The following KMT2E variants were observed in gnomAD, a reference collection of about 807,000 sequenced individuals.
The protein encoded by KMT2E is lysine methyltransferase 2E (inactive), also known as histone reader KMT2E.
Under a neutral mutation model 184.6 loss-of-function variants are expected in KMT2E, and 30 were observed. The ratio of observed to expected loss-of-function variants is 0.16; its 90% CI spans 0.12 to 0.22. The LOEUF (loss-of-function observed/expected upper bound fraction) is 0.22. Among genes scored for constraint, KMT2E ranks in the 10% least tolerant of loss-of-function variants. The pLI is 1.00. For synonymous variants in KMT2E, 815 were observed against 776.5 expected (o/e 1.05, Z -0.82); for missense variants, 2,023 against 2,237.4 (o/e 0.90, Z 1.93).
At chr7:105,105,241 T>A (rs1451140679) in intron 17 of KMT2E, 198 bp from the exon 18 acceptor site, 1 of 423,530 alleles carries the variant, frequency 2.4e-6, no homozygotes, top group African/African-American at 2.1e-5. Context: ...ACAAAATAAT[T>A]GGGTAAAAAG....
At position 105,110,767 on chromosome 7, in the gene KMT2E, A is replaced by G. The variant is rs367589987; in HGVS notation, c.3971-4A>G. The G allele has an allele frequency of 1.3e-4, 207 of 1,611,766 alleles. No homozygotes were observed. Among genetic ancestry groups the G allele is most frequent in the Non-Finnish European group, 1.7e-4 (202 of 1,177,944 alleles). The stretch of plus-strand genomic sequence containing the variant: ...ACTTACTATAGGTTTCTTCTGCTTT[A>G]TAGACCCTGATCCTGAAAATCCAGA... On this transcript the variant is annotated splice_region_variant and splice_polypyrimidine_tract_variant and intron_variant, in intron 25 of 26. Transcript: ENST00000311117.
intron 23 of KMT2E, among the ~76,000 whole-genome samples, chr7:105,109,843 CTT>C (rs34727137): frequency 6.1e-4 from 83 of 136,210 alleles, no homozygotes; most frequent in Middle Eastern, 7.5e-3. Context: ...ATAAGATTAA[CTT>C]TTTTTTTTTT....
intron 6 of KMT2E, among the ~76,000 whole-genome samples, chr7:105,070,406 G>A (rs1053587951): frequency 4.2e-4 from 64 of 151,802 alleles, no homozygotes; most frequent in African/African-American, 1.5e-3. Context: ...TGAGGCGGGT[G>A]GATCACTTGA....
chr7:105,074,970 T>TTAA (rs2074273321), intron 8 of KMT2E, among the ~76,000 whole-genome samples, 155 bp downstream of exon 8: 1 of 152,216 alleles, frequency 6.6e-6, no homozygotes, highest in Non-Finnish European at 1.5e-5. Flanking sequence ...CTTGAACATT[T>TTAA]TAACGTGTTT....
At chr7:105,027,404 C>T (rs1202682389) in intron 1 of KMT2E, among the ~76,000 whole-genome samples, 3 of 152,180 alleles carry the variant, frequency 2.0e-5, no homozygotes, top group South Asian at 2.1e-4. Flanking sequence ...AGGTACTGGT[C>T]CCTTATAGGA....
At chr7:105,105,815 C>G (rs1562930567) in intron 18 of KMT2E, 44 bp from the exon 19 acceptor site, 1 of 1,590,934 alleles carries the variant, frequency 6.3e-7, no homozygotes, top group Admixed American at 1.8e-5. Flanking sequence ...ATATAAACAG[C>G]TACAAAGTGA....
intron 17 of KMT2E, chr7:105,105,148 C>G (rs892197383): frequency 5.0e-5 from 11 of 222,218 alleles, no homozygotes; most frequent in Admixed American, 2.3e-4. Flanking sequence ...AGCCTGATGA[C>G]AGAGATATCT....
In KMT2E at chr7:105,059,978, G is replaced by GTTTTTTTTTTTTTTTTTTT. The variant is rs67291226; in HGVS notation, c.72-2171_72-2153dup. Among the ~76,000 whole-genome samples, 26 of 51,796 alleles carry GTTTTTTTTTTTTTTTTTTT rather than the reference G, an allele frequency of 5.0e-4. 7 individuals are homozygous for GTTTTTTTTTTTTTTTTTTT. Among genetic ancestry groups the GTTTTTTTTTTTTTTTTTTT allele is most frequent in the Non-Finnish European group, 7.2e-4 (18 of 24,950 alleles). The allele number at this position is 51,796 out of a possible 152,430, so 34.0% of individuals were successfully genotyped here. A position where few individuals can be genotyped will look rare whatever the true frequency, so the allele number is the denominator to read the frequency against. On this transcript the variant is annotated intron_variant, in intron 3 of 26. Transcript: ENST00000311117. Reference sequence around the variant, plus strand: ...GCTGAATATTGATTTTCTTGTTGTTGTTTTTTTTTTTTTTTTTTTTTTTTT... The same window carrying GTTTTTTTTTTTTTTTTTTT: ...GCTGAATATTGATTTTCTTGTTGTTGTTTTTTTTTTTTTTTTTTTTTTTTTTTTTTTTTTTTTTTTTTTT...
At position 105,110,789 on chromosome 7, in the gene KMT2E, C is replaced by G. The variant is rs1799202301; in HGVS notation, c.3989C>G (p.Pro1330Arg). The G allele has an allele frequency of 6.8e-6, 11 of 1,613,962 alleles. No homozygotes were observed. Among genetic ancestry groups the G allele is most frequent in the Non-Finnish European group, 8.5e-6 (10 of 1,179,866 alleles). Reference protein sequence around the residue: ...ELMEDPDPENPEPTTTNECPS... With the variant: ...ELMEDPDPENREPTTTNECPS... ...TTTATAGACCCTGATCCTGAAAATCCAGAACCCACAACTACGAATGAATGT... is the reference window on the plus strand; with the variant it reads ...TTTATAGACCCTGATCCTGAAAATCGAGAACCCACAACTACGAATGAATGT... Residue 1330 changes from proline to arginine, a missense_variant, in exon 26 of 27, where the codon CCA becomes CGA. This residue lies in a region of KMT2E where 1,108 missense variants were observed against 1,050.9 expected (regional missense o/e 1.05). Coordinates refer to ENST00000311117, the MANE Select transcript of KMT2E (RefSeq NM_182931.3).
chr7:105,059,975 G>GTTCTTTTTTT (rs1562898146), intron 3 of KMT2E, among the ~76,000 whole-genome samples: 1 of 45,616 alleles, frequency 2.2e-5, no homozygotes, highest in African/African-American at 6.1e-5. Flanking sequence ...TTTTCTTGTT[G>GTTCTTTTTTT]TTGTTTTTTT....
chr7:105,029,324 A>G (rs1337596949), intron 1 of KMT2E, among the ~76,000 whole-genome samples: 1 of 152,216 alleles, frequency 6.6e-6, no homozygotes, highest in Non-Finnish European at 1.5e-5. Context: ...AATTTTGTTC[A>G]TTGCCCATTC....
intron 9 of KMT2E, 144 bp from the exon 10 acceptor site, chr7:105,076,819 A>C: frequency 1.5e-6 from 1 of 647,508 alleles, no homozygotes; most frequent in Admixed American, 2.7e-5. Context: ...AGAAACCGTT[A>C]AACAGCAGTT....
chr7:105,018,764 G>T (rs1217408402), intron 1 of KMT2E, among the ~76,000 whole-genome samples: 5 of 152,066 alleles, frequency 3.3e-5, no homozygotes, highest in Non-Finnish European at 1.5e-5. Flanking sequence ...GTAATGTGCA[G>T]ATGTTGGGAG....
chr7:105,103,098 G>GT (rs1243449515), intron 17 of KMT2E: 6 of 152,142 alleles, frequency 3.9e-5, no homozygotes, highest in African/African-American at 1.2e-4. Flanking sequence ...ATATTTGCCT[G>GT]TAACAATGGA....
chr7:105,040,506 A>T (rs1044707612), intron 2 of KMT2E, among the ~76,000 whole-genome samples: 2 of 152,200 alleles, frequency 1.3e-5, no homozygotes, highest in African/African-American at 4.8e-5. Context: ...ATATTGTTAG[A>T]TCACTCACTG....
In KMT2E at chr7:105,108,753, T is replaced by C. The variant is rs1347366481; in HGVS notation, c.3469-189T>C. The C allele has an allele frequency of 1.0e-5, 6 of 576,180 alleles. No individual in the cohort carries two copies. The East Asian group carries it at 1.8e-4, about 17-fold the overall frequency. The allele number at this position is 576,180 out of a possible 1,614,324, so 35.7% of individuals were successfully genotyped here. A position where few individuals can be genotyped will look rare whatever the true frequency, so the allele number is the denominator to read the frequency against. ...GTGAGGATAAATGAGATAATGTATG[T>C]AAATCATCTAAGTACAATGCCTGGA... On this transcript the variant is annotated intron_variant, in intron 22 of 26. Coordinates refer to ENST00000311117, the MANE Select transcript of KMT2E (RefSeq NM_182931.3).
intron 17 of KMT2E, 48 bp downstream of exon 17, chr7:105,102,242 A>G: frequency 6.8e-7 from 1 of 1,476,792 alleles, no homozygotes; most frequent in Non-Finnish European, 9.1e-7. Context: ...AGTTTCTTAT[A>G]TTAATTATAT....
intron 12 of KMT2E, among the ~76,000 whole-genome samples, chr7:105,081,423 T>TTTA (rs34070011): frequency 0.25 from 37,413 of 147,676 alleles, 5,277 homozygotes; most frequent in East Asian, 0.55. Context: ...ATATAGTATT[T>TTTA]TTATTATTAT....
chr7:105,078,490 T>C (rs1797621997), intron 11 of KMT2E, among the ~76,000 whole-genome samples: 1 of 152,124 alleles, frequency 6.6e-6, no homozygotes, highest in African/African-American at 2.4e-5. Flanking sequence ...CAGATTATTG[T>C]CCTAAAATGT....
Sources: allele counts gnomAD v4.1 joint callset (sites outside exome capture counted in the v4.1 genomes callset), GRCh38; gene constraint gnomAD v4.1.1; regional missense constraint gnomAD v4.1.1; transcripts MANE v1.5; gene names NCBI Gene and HGNC (gene_info 2026-07-23, HGNC 2026-07-21).